TTC23L: variants seen among roughly 807,000 people sequenced by gnomAD.
TTC23L encodes the protein tetratricopeptide repeat domain 23 like, also known as tetratricopeptide repeat protein 23-like.
A neutral mutation model predicts 48.1 loss-of-function variants in TTC23L; 42 were observed. The ratio of observed to expected loss-of-function variants is 0.87; its 90% CI spans 0.68 to 1.13. TTC23L has a LOEUF of 1.13. Among genes scored for constraint, TTC23L ranks in the 50% most tolerant of loss-of-function variants. The pLI is 0.00. For synonymous variants in TTC23L, 159 were observed against 157.2 expected, an observed-to-expected ratio of 1.01 and a Z score of -0.09; for missense variants, 391 against 421.0, an observed-to-expected ratio of 0.93 and a Z score of 0.62.
the TTC23L span, chr5:34,915,471 G>C: frequency 1.8e-5 from 7 of 397,068 alleles, no homozygotes; most frequent in Non-Finnish European, 2.7e-5. Flanking sequence ...CCCTGAAGAG[G>C]AGCGAGGCGG....
chr5:34,880,255 C>A, exon 9 of TTC23L: 1 of 1,613,304 alleles, frequency 6.2e-7, no homozygotes, highest in Non-Finnish European at 8.5e-7. Context: ...TTTTGAAACA[C>A]TGAGCACCAC....
At chr5:34,858,922 C>T (rs968499367) in intron 4 of TTC23L, among the ~76,000 whole-genome samples, 7 of 152,152 alleles carry the variant, frequency 4.6e-5, no homozygotes, top group African/African-American at 7.2e-5. Flanking sequence ...GGGGCCTAGT[C>T]GTGTGAAAGC....
At chr5:34,848,223 G>A (rs576852171) in intron 3 of TTC23L, among the ~76,000 whole-genome samples, 1 of 152,096 alleles carries the variant, frequency 6.6e-6, no homozygotes, top group South Asian at 2.1e-4. Context: ...TGACCCTATC[G>A]ACTCGTTCAG....
At chr5:34,869,067 A>G (rs1761262121) in intron 8 of TTC23L, 54 bp downstream of exon 8, 1 of 1,369,626 alleles carries the variant, frequency 7.3e-7, no homozygotes, top group East Asian at 2.5e-5. Flanking sequence ...AGGGAAGCAC[A>G]TTGGCAAACA....
In TTC23L at chr5:34,880,311, A is replaced by G; in HGVS notation, c.1077+3A>G. On this transcript the variant is annotated splice_donor_region_variant and intron_variant, in intron 9 of 10. Transcript: ENST00000505624. ...TTGTCCAAAATGGAGAAAAACAGGT[A>G]AATATGATCAATGCATAAACAGAAT... The G allele has an allele frequency of 6.2e-7, 1 of 1,605,632 alleles. No homozygotes were observed. The highest frequency in any genetic ancestry group is 8.5e-7 in the Non-Finnish European group (1 of 1,177,486).
chr5:34,864,307 G>T, intron 5 of TTC23L, 130 bp from the exon 6 acceptor site: 1 of 1,132,536 alleles, frequency 8.8e-7, no homozygotes, highest in African/African-American at 1.6e-5. Context: ...GGAAAATAAA[G>T]AACATAGTTA....
At position 34,899,010 on chromosome 5, in the gene TTC23L, G is replaced by A. The variant is rs552574830; in HGVS notation, c.*98-380G>A. Among the ~76,000 whole-genome samples, 388 of 152,210 alleles carry A rather than the reference G, an allele frequency of 2.5e-3. 2 individuals carry two copies. The highest frequency in any genetic ancestry group is 8.5e-3 in the African/African-American group (352 of 41,520). Reference sequence around the variant, plus strand: ...ACAGGGCCTCGGGCTGTAAGTCTCCGAGCTCGTGAGAAGAAACCACTTGAA... The same window carrying A: ...ACAGGGCCTCGGGCTGTAAGTCTCCAAGCTCGTGAGAAGAAACCACTTGAA... On this transcript the variant is annotated intron_variant, in intron 10 of 10. Transcript: ENST00000505624.
downstream of TTC23L, among the ~76,000 whole-genome samples, chr5:34,900,763 C>G (rs996094763): frequency 2.6e-5 from 4 of 152,178 alleles, no homozygotes; most frequent in African/African-American, 4.8e-5. Flanking sequence ...TTATGGTGCA[C>G]TAAACATGAT....
At chr5:34,846,482 C>T (rs951055274) in intron 3 of TTC23L, among the ~76,000 whole-genome samples, 6 of 147,442 alleles carry the variant, frequency 4.1e-5, no homozygotes, top group East Asian at 4.0e-4. Flanking sequence ...ATTGCTGGAA[C>T]CCAGGAGGCA....
At chr5:34,921,987 G>T in the TTC23L span, 28 of 235,864 alleles carry the variant, frequency 1.2e-4, no homozygotes, top group Non-Finnish European at 1.7e-4. Context: ...CCAAAAATAT[G>T]ATAGATAATT....
At chr5:34,916,703 T>C in the TTC23L span, 3 of 152,362 alleles carry the variant, frequency 2.0e-5, no homozygotes, top group Admixed American at 6.5e-5. Context: ...CCTCCGCACT[T>C]AGCATAGTAC....
intron 9 of TTC23L, chr5:34,880,609 C>T (rs1762163185): frequency 2.4e-6 from 1 of 424,858 alleles, no homozygotes; most frequent in Non-Finnish European, 4.4e-6. Context: ...AATTGGCAGC[C>T]ATATGTTTGC....
chr5:34,910,715 A>C, the TTC23L span, among the ~76,000 whole-genome samples: 2 of 152,248 alleles, frequency 1.3e-5, no homozygotes, highest in Non-Finnish European at 2.9e-5. Flanking sequence ...GGTGTCTGCC[A>C]CAGCACTTTT....
chr5:34,912,409 C>T, the TTC23L span, among the ~76,000 whole-genome samples: 2 of 152,172 alleles, frequency 1.3e-5, no homozygotes, highest in African/African-American at 4.8e-5. Context: ...AACTCCTTCT[C>T]CTTACTGGAT....
At chr5:34,909,523 G>C in the TTC23L span, among the ~76,000 whole-genome samples, 5 of 152,304 alleles carry the variant, frequency 3.3e-5, no homozygotes, top group African/African-American at 1.2e-4. Context: ...GCTCCCACTG[G>C]AGTTCAGGAC....
chr5:34,869,084 C>A, intron 8 of TTC23L, 71 bp downstream of exon 8: 1 of 1,222,724 alleles, frequency 8.2e-7, no homozygotes, highest in Non-Finnish European at 1.2e-6. Flanking sequence ...AACAGCCTAT[C>A]TAAGATTCTA....
the TTC23L span, chr5:34,922,859 A>AC: frequency 1.5e-6 from 2 of 1,336,996 alleles, no homozygotes; most frequent in African/African-American, 1.5e-5. Context: ...ATTTAGTTTC[A>AC]CCCCCACCTT....
At chr5:34,845,396 C>T in intron 2 of TTC23L, 91 bp from the exon 3 acceptor site, 1 of 1,298,620 alleles carries the variant, frequency 7.7e-7, no homozygotes, top group South Asian at 1.5e-5. Flanking sequence ...ATGTCCCTAT[C>T]CCCTAGTTGG....
chr5:34,857,787 C>G (rs966397256), intron 4 of TTC23L, among the ~76,000 whole-genome samples: 2 of 152,064 alleles, frequency 1.3e-5, no homozygotes, highest in Non-Finnish European at 2.9e-5. Context: ...TAAACAGGCA[C>G]AGATAAAGTA....
Sources: allele counts gnomAD v4.1 joint callset (sites outside exome capture counted in the v4.1 genomes callset), GRCh38; gene constraint gnomAD v4.1.1; transcripts MANE v1.5; gene names NCBI Gene and HGNC (gene_info 2026-07-23, HGNC 2026-07-21).